The following GRSF1 variants were observed in gnomAD, a reference collection of about 807,000 sequenced individuals.
GRSF1 encodes the protein G-rich sequence factor 1.
Under a neutral mutation model 51.1 loss-of-function variants are expected in GRSF1, and 50 were observed. The ratio of observed to expected loss-of-function variants is 0.98; its 90% CI spans 0.78 to 1.24. The LOEUF (loss-of-function observed/expected upper bound fraction) is 1.24, where lower values mean the gene tolerates loss of function less well. Among genes scored for constraint, GRSF1 ranks in the 50% most tolerant of loss-of-function variants. The pLI, the probability that GRSF1 is intolerant of heterozygous loss-of-function variation, is 0.00. For missense variants in GRSF1, 700 were observed against 639.7 expected, an observed-to-expected ratio of 1.09 and a Z score of -1.02; for synonymous variants, 293 against 253.3, an observed-to-expected ratio of 1.16 and a Z score of -1.49.
In GRSF1 at chr4:70,822,475, T is replaced by C. The variant is rs924290348; in HGVS notation, c.*26-1614A>G. Among the ~76,000 whole-genome samples the C allele has an allele frequency of 1.8e-4, 27 of 151,114 alleles. 1 individual carries two copies. The highest frequency in any genetic ancestry group is 6.6e-4 in the African/African-American group (27 of 40,994). On this transcript the variant is annotated intron_variant, in intron 9 of 9. Coordinates refer to ENST00000254799, the MANE Select transcript of GRSF1 (RefSeq NM_002092.4). ...GAGAATGCCTGTAATCCTAGCTACT[T>C]GGGAGGCTGAGGCAGAAGAATCACT...
intron 9 of GRSF1, 122 bp downstream of exon 9, chr4:70,824,172 T>G: frequency 2.1e-6 from 1 of 469,498 alleles, no homozygotes; most frequent in Non-Finnish European, 4.0e-6. Context: ...GGTTTCACCA[T>G]GTTGGCCAGG....
At position 70,825,387 on chromosome 4, in the gene GRSF1, G is replaced by A; in HGVS notation, c.1302C>T (p.Ser434=). The A allele has an allele frequency of 6.2e-7, 1 of 1,611,934 alleles. No homozygotes were observed. The highest frequency in any genetic ancestry group is 8.5e-7 in the Non-Finnish European group (1 of 1,178,564). Residue 434 remains serine (S), a synonymous_variant, in exon 8 of 10, where the codon AGC becomes AGT. Coordinates refer to ENST00000254799, the MANE Select transcript of GRSF1 (RefSeq NM_002092.4). Reference sequence around the variant, plus strand: ...CTTCTCCAGTGGCCTTCCCACTGGAGCTGTATTCCATGGTGATTCTAACAG... The same window carrying A: ...CTTCTCCAGTGGCCTTCCCACTGGAACTGTATTCCATGGTGATTCTAACAG... The part of the protein sequence containing the change: ...LKPVRITMEY[S]SSGKATGEAD...
At chr4:70,829,391 C>T (rs1200747070) in intron 5 of GRSF1, among the ~76,000 whole-genome samples, 1 of 150,664 alleles carries the variant, frequency 6.6e-6, no homozygotes, top group African/African-American at 2.4e-5. Context: ...TACAGTGGCT[C>T]ACACCTATAA....
rs1300636070 is a variant in GRSF1, at chr4:70,819,743, A to T, written c.*1144T>A. 6.6e-6 allele frequency: 1 copy of T among 152,664 alleles called. No homozygotes were observed. Among genetic ancestry groups the T allele is most frequent in the Non-Finnish European group, 1.5e-5 (1 of 68,046 alleles). 9.5% of individuals were successfully genotyped at this position (152,664 alleles called of 1,614,324 possible). A position where few individuals can be genotyped will look rare whatever the true frequency, so the allele number is the denominator to read the frequency against. On this transcript the variant is annotated 3_prime_UTR_variant, in exon 10 of 10. Transcript: ENST00000254799. ...CTGAGAACAGGAACAAGGCAAAGAA[A>T]GCATACAGGATTTTGATTCTCCTAC...
intron 5 of GRSF1, among the ~76,000 whole-genome samples, chr4:70,828,637 T>C (rs1425515239): frequency 6.6e-6 from 1 of 152,094 alleles, no homozygotes; most frequent in African/African-American, 2.4e-5. Context: ...GGTGTGAACA[T>C]GGCTCACTGC....
chr4:70,839,386 C>T (rs1176230139), intron 1 of GRSF1, 85 bp downstream of exon 1: 92 of 1,507,754 alleles, frequency 6.1e-5, no homozygotes, highest in Non-Finnish European at 7.5e-5. Flanking sequence ...CCGCGAGGCG[C>T]ACACGGAGGG....
chr4:70,833,147 C>A lies in GRSF1; in HGVS notation c.641G>T (p.Arg214Leu), dbSNP rs368531595. The A allele has an allele frequency of 1.9e-6, 3 of 1,613,914 alleles. No individual in the cohort carries two copies. Among genetic ancestry groups the A allele is most frequent in the Non-Finnish European group, 2.5e-6 (3 of 1,179,834 alleles). Residue 214 changes from arginine (R) to leucine (L), a missense_variant, in exon 3 of 10, where the codon CGC becomes CTC. Physicochemically the swap from Arg to Leu is moderately radical, Grantham distance 102. Coordinates refer to ENST00000254799, the MANE Select transcript of GRSF1 (RefSeq NM_002092.4). ...QDVQKALEKH[R>L]MYMGQRYVEV... ...CACATACCGCTGGCCCATGTACATG[C>A]GGTGCTTCTCTAAGGCTTTCTGCAC...
Position 70,832,420 on chromosome 4 carries a change from G to A in GRSF1, c.701C>T (p.Ala234Val), listed in dbSNP as rs749669874. The change falls in exon 4 of 10, where the codon GCC becomes GTC. Residue 234 changes from alanine (A) to valine (V), a missense_variant. Physicochemically the swap from Ala to Val is moderately conservative, Grantham distance 64. Transcript: ENST00000254799. ...TTTGACCTGCAAGCTCTTCATTAAG[G>A]CATCCACATCTTCATTGTTTATCTC... is the stretch of plus-strand genomic sequence containing the variant. Reference protein sequence around the residue: ...VYEINNEDVDALMKSLQVKSS... With the variant: ...VYEINNEDVDVLMKSLQVKSS... 2.5e-5 allele frequency: 40 copies of A among 1,608,858 alleles called. No individual in the cohort carries two copies. The South Asian group carries it at 4.2e-4, about 17-fold the overall frequency.
upstream of GRSF1, among the ~76,000 whole-genome samples, chr4:70,840,961 C>T (rs569183617): frequency 3.9e-5 from 6 of 152,100 alleles, no homozygotes; most frequent in South Asian, 6.2e-4. Context: ...TGGTACCCCC[C>T]GAATTTGAGG....
At chr4:70,825,146 T>C in intron 8 of GRSF1, 150 bp downstream of exon 8, 2 of 521,624 alleles carry the variant, frequency 3.8e-6, no homozygotes, top group Non-Finnish European at 6.8e-6. Context: ...TAAATTATAA[T>C]ATAGTGTTTT....
rs769452985 is a variant in GRSF1 at position 70,832,418 on chromosome 4, A to C, written c.703T>G (p.Leu235Val). The part of the protein sequence containing the change: ...YEINNEDVDA[L>V]MKSLQVKSSP... ...GATTTGACCTGCAAGCTCTTCATTA[A>C]GGCATCCACATCTTCATTGTTTATC... The change falls in exon 4 of 10, where the codon TTA becomes GTA. Residue 235 changes from leucine (L) to valine (V), a missense_variant. Leu to Val is a conservative substitution (Grantham distance 32). Transcript: ENST00000254799. 3.7e-6 allele frequency: 6 copies of C among 1,610,124 alleles called. No homozygotes were observed. The highest frequency in any genetic ancestry group is 1.3e-5 in the African/African-American group (1 of 74,988).
chr4:70,838,075 T>C (rs894658125), intron 1 of GRSF1, among the ~76,000 whole-genome samples: 4 of 150,888 alleles, frequency 2.7e-5, no homozygotes, highest in Non-Finnish European at 4.4e-5. Context: ...AAAAATTAGC[T>C]GGGCGCAGTG....
At chr4:70,833,299 T>G in intron 2 of GRSF1, 26 bp from the exon 3 acceptor site, 1 of 1,603,068 alleles carries the variant, frequency 6.2e-7, no homozygotes, top group Non-Finnish European at 8.5e-7. Flanking sequence ...CAAAATCAAT[T>G]GAAAACAGAA....
chr4:70,839,745 G>C lies in GRSF1; in HGVS notation c.83C>G (p.Ala28Gly). 6.7e-7 allele frequency: 1 copy of C among 1,503,532 alleles called. No homozygotes were observed. Among genetic ancestry groups the C allele is most frequent in the Non-Finnish European group, 8.8e-7 (1 of 1,133,694 alleles). The allele number at this position is 1,503,532 out of a possible 1,614,324, so 93.1% of individuals were successfully genotyped here. Residue 28 changes from alanine (A) to glycine (G), a missense_variant, in exon 1 of 10, where the codon GCC (alanine) becomes GGC (glycine). Ala to Gly is a moderately conservative substitution (Grantham distance 60). Coordinates refer to ENST00000254799, the MANE Select transcript of GRSF1 (RefSeq NM_002092.4). ...AGCGGCGGAGTAGAAGGGCAGGCAGGCGGCGCCGGTGCGCCGGCAGCTGCT... is the reference window on the plus strand; with the variant it reads ...AGCGGCGGAGTAGAAGGGCAGGCAGCCGGCGCCGGTGCGCCGGCAGCTGCT... ...NCSSCRRTGA[A>G]CLPFYSAAGS...
rs749800186 is a variant in GRSF1 at position 70,831,672 on chromosome 4, G to A, written c.817C>T (p.Leu273=). 6.2e-7 allele frequency: 1 copy of A among 1,606,616 alleles called. No individual in the cohort carries two copies. The highest frequency in any genetic ancestry group is 8.5e-7 in the Non-Finnish European group (1 of 1,177,344). Residue 273 remains leucine, a splice_region_variant and synonymous_variant, in exon 5 of 10, where the codon CTG becomes TTG. Coordinates refer to ENST00000254799, the MANE Select transcript of GRSF1 (RefSeq NM_002092.4). The part of the protein sequence containing the change: ...EKDIVDFFAG[L]NIVDITFVMD... ...ACAAAAGTAATGTCAACTATATTCA[G>A]TCCTAGGACACCAAGAGATTTTAAT...
chr4:70,836,609 G>A (rs1466376362), intron 1 of GRSF1, among the ~76,000 whole-genome samples: 3 of 152,094 alleles, frequency 2.0e-5, no homozygotes, highest in Admixed American at 1.3e-4. Flanking sequence ...ACACAAGAAA[G>A]GTCCTGACAA....
chr4:70,836,534 C>T (rs1321809407), intron 1 of GRSF1, among the ~76,000 whole-genome samples: 1 of 151,830 alleles, frequency 6.6e-6, no homozygotes, highest in Non-Finnish European at 1.5e-5. Flanking sequence ...ACACAAATTT[C>T]ATTCAGGGTT....
intron 9 of GRSF1, among the ~76,000 whole-genome samples, chr4:70,822,309 G>A (rs902095817): frequency 8.5e-5 from 13 of 152,074 alleles, no homozygotes; most frequent in African/African-American, 2.2e-4. Flanking sequence ...ATGGCTGGGC[G>A]TGGTGGCTCA....
chr4:70,836,009 T>C, intron 2 of GRSF1, 149 bp downstream of exon 2: 1 of 485,372 alleles, frequency 2.1e-6, no homozygotes, highest in South Asian at 4.2e-5. Flanking sequence ...TTCCCAACCA[T>C]CAAAAAGGAA....
Sources: gnomAD v4.1 joint callset for allele counts (sites outside exome capture counted in the v4.1 genomes callset) on GRCh38, gnomAD v4.1.1 for gene constraint, MANE v1.5 for transcripts, NCBI Gene and HGNC (gene_info 2026-07-23, HGNC 2026-07-21) for gene names.